CFAP157: variants seen among roughly 807,000 people sequenced by gnomAD.
CFAP157 encodes cilia and flagella associated protein 157.
CFAP157 carries 43 observed loss-of-function variants against 57.8 expected under a neutral mutation model. The observed-to-expected ratio is 0.74, with a 90% confidence interval of 0.58 to 0.96. CFAP157 has a LOEUF of 0.96. Ranked by LOEUF, CFAP157 falls within the 40% of genes least tolerant of loss-of-function variation. The probability of loss-of-function intolerance (pLI) is 0.00; values close to 1 mark genes in which losing one functional copy is unlikely to be tolerated. For synonymous variants in CFAP157, 267 were observed against 269.0 expected, an observed-to-expected ratio of 0.99 and a Z score of 0.07; for missense variants, 606 against 655.3, an observed-to-expected ratio of 0.92 and a Z score of 0.82.
chr9:127,714,935 C>A lies in CFAP157; in HGVS notation c.*1030C>A. On this transcript the variant is annotated 3_prime_UTR_variant, in exon 9 of 9. Transcript: ENST00000373295. ...TGGCCCCCGCGCCCCAACCCCCACC[C>A]CCTTGGCCCGCCCGCCCACCCCTGG... The A allele has an allele frequency of 1.6e-6, 1 of 643,720 alleles. No individual in the cohort carries two copies. 39.9% of individuals were successfully genotyped at this position (643,720 alleles called of 1,614,324 possible). A position where few individuals can be genotyped will look rare whatever the true frequency, so the allele number is the denominator to read the frequency against.
rs1247388288 is a variant in CFAP157, at chr9:127,711,395, A to G, written c.754A>G (p.Asn252Asp). The change falls in exon 4 of 9, where the codon AAT (asparagine) becomes GAT (aspartate). Residue 252 changes from asparagine to aspartate, a missense_variant. Transcript: ENST00000373295. ...SQQGMKLLQE[N>D]EQLKGRQNNL... ...GCAAGGCATGAAGCTGCTGCAGGAG[A>G]ATGAGCAGCTCAAGGGAAGACAGAA... 6.2e-7 allele frequency: 1 copy of G among 1,614,068 alleles called. No individual in the cohort carries two copies. Among genetic ancestry groups the G allele is most frequent in the Non-Finnish European group, 8.5e-7 (1 of 1,180,058 alleles).
chr9:127,712,578 G>A (rs565072042), intron 6 of CFAP157, 131 bp from the exon 7 acceptor site: 1,017 of 1,562,488 alleles, frequency 6.5e-4, no homozygotes, highest in Non-Finnish European at 8.4e-4. Flanking sequence ...CAGTCTTCCC[G>A]ACTGAAGAAT....
In CFAP157 at chr9:127,715,814, G is replaced by T; in HGVS notation, c.*1909G>T. 1.6e-6 allele frequency: 2 copies of T among 1,254,246 alleles called. No homozygotes were observed. The highest frequency in any genetic ancestry group is 2.7e-5 in the South Asian group (2 of 73,030). 77.7% of individuals were successfully genotyped at this position (1,254,246 alleles called of 1,614,324 possible). A position where few individuals can be genotyped will look rare whatever the true frequency, so the allele number is the denominator to read the frequency against. On this transcript the variant is annotated 3_prime_UTR_variant, in exon 9 of 9. Coordinates refer to ENST00000373295, the MANE Select transcript of CFAP157 (RefSeq NM_001012502.3). This position sits in a 1 kb window ranked among gnomAD's most constrained non-coding sequence, Gnocchi z 5.8. ...GGTGGCCGAGTCCGGGAACCCAGGC[G>T]CCTTCAGTAGCGCGGCGTCACAGTG...
chr9:127,712,056 G>A (rs1842778236), intron 5 of CFAP157, 106 bp downstream of exon 5: 2 of 1,505,138 alleles, frequency 1.3e-6, no homozygotes, highest in East Asian at 2.4e-5. Context: ...CCCCTCTCTA[G>A]AGGAGCCTGC....
In CFAP157 at chr9:127,710,598, CA is replaced by C. The variant is rs1302011147; in HGVS notation, c.434-2del. Reference sequence around the variant, plus strand: ...ATTGGGCCTTGTGCGCTGTGGCGGCCAGGGGGGAAGCTGGCAGCCCTGGAGG... The same window carrying C: ...ATTGGGCCTTGTGCGCTGTGGCGGCCGGGGGGAAGCTGGCAGCCCTGGAGG... On this transcript the variant is annotated splice_acceptor_variant, in intron 2 of 8. Transcript: ENST00000373295. LOFTEE classifies it high-confidence loss of function. 8.2e-6 allele frequency: 13 copies of C among 1,578,338 alleles called. No homozygotes were observed. Among genetic ancestry groups the C allele is most frequent in the South Asian group, 8.1e-5 (7 of 86,238 alleles).
At position 127,713,061 on chromosome 9, in the gene CFAP157, C is replaced by T. The variant is rs746506232; in HGVS notation, c.1346C>T (p.Pro449Leu). The stretch of plus-strand genomic sequence containing the variant: ...CTGCCCAGGACTGGGTCTCTGCTGC[C>T]GCAGCTCTCTGACATCACCCCCTAC... ...IQLPRTGSLL[P>L]QLSDITPYQP... is the part of the protein sequence containing the mutation. The change falls in exon 8 of 9, where the codon CCG (proline) becomes CTG (leucine). Residue 449 changes from proline (P) to leucine (L), a missense_variant. Coordinates refer to ENST00000373295, the MANE Select transcript of CFAP157 (RefSeq NM_001012502.3). 26 of 1,613,822 alleles carry T rather than the reference C, an allele frequency of 1.6e-5. No homozygotes were observed. The highest frequency in any genetic ancestry group is 9.9e-5 in the South Asian group (9 of 91,034).
chr9:127,711,719 C>G (rs187225673), intron 4 of CFAP157, 101 bp from the exon 5 acceptor site: 129 of 1,361,234 alleles, frequency 9.5e-5, no homozygotes, highest in Non-Finnish European at 1.2e-4. Flanking sequence ...CCCTGGAGAG[C>G]TCACTGGCCG....
At chr9:127,712,603 A>C (rs775587587) in intron 6 of CFAP157, 106 bp from the exon 7 acceptor site, 22 of 1,593,016 alleles carry the variant, frequency 1.4e-5, no homozygotes, top group Non-Finnish European at 1.7e-5. Context: ...ATCCCACCAC[A>C]GACAGGGAAA....
At position 127,709,622 on chromosome 9, in the gene CFAP157, C is replaced by T. The variant is rs1218828415; in HGVS notation, c.362C>T (p.Ala121Val). The T allele has an allele frequency of 1.1e-5, 18 of 1,613,744 alleles. No homozygotes were observed. Among genetic ancestry groups the T allele is most frequent in the Admixed American group, 6.7e-5 (4 of 59,992 alleles). The change falls in exon 2 of 9, where the codon GCG (alanine) becomes GTG (valine). Residue 121 changes from alanine (A) to valine (V), a missense_variant. Ala to Val is a moderately conservative substitution (Grantham distance 64). Transcript: ENST00000373295. This position sits in a 1 kb window ranked among gnomAD's most constrained non-coding sequence, Gnocchi z 4.7. ...AKEMEKDAFE[A>V]QLAQVRHEFQ... ...GAGATGGAGAAGGATGCCTTCGAGG[C>T]GCAGCTGGCCCAGGTGCGCCACGAG...
At position 127,710,594 on chromosome 9, in the gene CFAP157, C is replaced by T. The variant is rs773156489; in HGVS notation, c.434-7C>T. The T allele has an allele frequency of 2.0e-5, 32 of 1,575,268 alleles. No homozygotes were observed. The highest frequency in any genetic ancestry group is 2.0e-4 in the South Asian group (17 of 85,940). On this transcript the variant is annotated splice_region_variant and splice_polypyrimidine_tract_variant and intron_variant, in intron 2 of 8. Coordinates refer to ENST00000373295, the MANE Select transcript of CFAP157 (RefSeq NM_001012502.3). ...CATCATTGGGCCTTGTGCGCTGTGG[C>T]GGCCAGGGGGGAAGCTGGCAGCCCT... is the stretch of plus-strand genomic sequence containing the variant.
chr9:127,711,748 G>A (rs904060823), intron 4 of CFAP157, 72 bp from the exon 5 acceptor site: 50 of 1,505,092 alleles, frequency 3.3e-5, no homozygotes, highest in African/African-American at 6.9e-5. Flanking sequence ...AGGGGAACAC[G>A]GGAGGCCTGG....
rs1394440221 is a variant in CFAP157 at position 127,712,727 on chromosome 9, G to A, written c.1156G>A (p.Asp386Asn). 1 of 1,614,046 alleles carries A rather than the reference G, an allele frequency of 6.2e-7. No homozygotes were observed. Among genetic ancestry groups the A allele is most frequent in the Non-Finnish European group, 8.5e-7 (1 of 1,180,022 alleles). The change falls in exon 7 of 9, where the codon GAC becomes AAC. Residue 386 changes from aspartate to asparagine, a missense_variant. Physicochemically the swap from Asp to Asn is conservative, Grantham distance 23. Transcript: ENST00000373295. Reference protein sequence around the residue: ...NILQMHRDEEDSDVDVTFQPW... With the variant: ...NILQMHRDEENSDVDVTFQPW... ...CCAACAGATGCACCGCGATGAAGAG[G>A]ACAGTGACGTTGACGTGACGTTCCA...
At position 127,709,842 on chromosome 9, in the gene CFAP157, G is replaced by C; in HGVS notation, c.433+149G>C. The C allele has an allele frequency of 3.1e-6, 3 of 974,574 alleles. No homozygotes were observed. The highest frequency in any genetic ancestry group is 3.0e-6 in the Non-Finnish European group (2 of 665,404). 60.4% of individuals were successfully genotyped at this position (974,574 alleles called of 1,614,324 possible). On this transcript the variant is annotated intron_variant, in intron 2 of 8. Transcript: ENST00000373295. The surrounding 1 kb of genome is among the most constrained non-coding windows in gnomAD (Gnocchi z 4.7). ...TTGTCCCAGCAATCCTACGAAGCTGGAAACATCCCCCAACCAGTTTGTAGA... is the reference window on the plus strand; with the variant it reads ...TTGTCCCAGCAATCCTACGAAGCTGCAAACATCCCCCAACCAGTTTGTAGA...
At chr9:127,710,538 T>G in intron 2 of CFAP157, 63 bp from the exon 3 acceptor site, 2 of 1,541,822 alleles carry the variant, frequency 1.3e-6, no homozygotes, top group Non-Finnish European at 1.8e-6. Context: ...ATCTTTAAGG[T>G]CCTCGCCAGG....
intron 4 of CFAP157, 51 bp from the exon 5 acceptor site, chr9:127,711,769 A>C (rs1455391038): frequency 6.5e-7 from 1 of 1,534,598 alleles, no homozygotes; most frequent in Non-Finnish European, 8.8e-7. Flanking sequence ...CTGTGTCTGC[A>C]GCTGGGGGAC....
At position 127,711,877 on chromosome 9, in the gene CFAP157, G is replaced by A. The variant is rs767442498; in HGVS notation, c.913G>A (p.Glu305Lys). 1.6e-5 allele frequency: 26 copies of A among 1,591,194 alleles called. No homozygotes were observed. The highest frequency in any genetic ancestry group is 1.4e-4 in the East Asian group (6 of 44,146). Reference sequence around the variant, plus strand: ...GCAGCAGCAGGACACCAAGGAGGCCGAGGAGCTGCGCCTCCTGCTGAGCCA... The same window carrying A: ...GCAGCAGCAGGACACCAAGGAGGCCAAGGAGCTGCGCCTCCTGCTGAGCCA... ...QEQQQDTKEA[E>K]ELRLLLSQLE... is the part of the protein sequence containing the mutation. The change falls in exon 5 of 9, where the codon GAG becomes AAG. Residue 305 changes from glutamate to lysine, a missense_variant. By Grantham distance (56) the Glu-to-Lys change is moderately conservative. Transcript: ENST00000373295.
At position 127,711,415 on chromosome 9, in the gene CFAP157, A is replaced by G; in HGVS notation, c.774A>G (p.Arg258=). 6.2e-7 allele frequency: 1 copy of G among 1,614,174 alleles called. No individual in the cohort carries two copies. Residue 258 remains arginine (R), a synonymous_variant, in exon 4 of 9, where the codon AGA becomes AGG. Coordinates refer to ENST00000373295, the MANE Select transcript of CFAP157 (RefSeq NM_001012502.3). ...LLQENEQLKG[R]QNNLCKQLEL... ...AGGAGAATGAGCAGCTCAAGGGAAG[A>G]CAGAACAATCTGTGCAAACAGCTGG...
rs750143880 is a variant in CFAP157, at chr9:127,712,744, G to T, written c.1173G>T (p.Val391=). 1.2e-5 allele frequency: 19 copies of T among 1,614,070 alleles called. No homozygotes were observed. The highest frequency in any genetic ancestry group is 1.4e-5 in the Non-Finnish European group (17 of 1,180,030). Residue 391 remains valine (V), a synonymous_variant, in exon 7 of 9, where the codon GTG becomes GTT. Transcript: ENST00000373295. The part of the protein sequence containing the change: ...HRDEEDSDVD[V]TFQPWHKEML... ...ATGAAGAGGACAGTGACGTTGACGTGACGTTCCAGCCATGGCACAAGGAGA... is the reference window on the plus strand; with the variant it reads ...ATGAAGAGGACAGTGACGTTGACGTTACGTTCCAGCCATGGCACAAGGAGA...
rs943608767 is a variant in CFAP157 at position 127,714,817 on chromosome 9, G to A, written c.*912G>A. On this transcript the variant is annotated 3_prime_UTR_variant, in exon 9 of 9. Coordinates refer to ENST00000373295, the MANE Select transcript of CFAP157 (RefSeq NM_001012502.3). ...CCCACTTCACATATAAAGAAACTGA[G>A]GCCCCCCGAAGTACCCAAAGCCATG... 4 of 1,105,698 alleles carry A rather than the reference G, an allele frequency of 3.6e-6. No homozygotes were observed. In the Admixed American group the frequency reaches 6.2e-5, roughly 17 times the overall value. The allele number at this position is 1,105,698 out of a possible 1,614,324, so 68.5% of individuals were successfully genotyped here.
Sources: allele counts gnomAD v4.1 joint callset, GRCh38; gene constraint gnomAD v4.1.1; non-coding constraint Gnocchi (gnomAD v3.1); transcripts MANE v1.5; gene names NCBI Gene and HGNC (gene_info 2026-07-23, HGNC 2026-07-21).